Variants in SEMA6D observed in about 807,000 individuals in gnomAD.
SEMA6D encodes semaphorin 6D.
Under a neutral mutation model 106.6 loss-of-function variants are expected in SEMA6D, and 35 were observed. That is an observed-to-expected ratio of 0.33 (90% CI 0.25 to 0.44). SEMA6D has a LOEUF of 0.44. SEMA6D is among the 20% of genes least tolerant of loss of function. The pLI is 1.00. For missense variants in SEMA6D, 1,185 were observed against 1,345.9 expected, an observed-to-expected ratio of 0.88 and a Z score of 1.87; for synonymous variants, 499 against 487.7, an observed-to-expected ratio of 1.02 and a Z score of -0.31.
intron 4 of SEMA6D, among the ~76,000 whole-genome samples, chr15:47,624,241 C>T (rs1280155449): frequency 6.6e-6 from 1 of 152,188 alleles, no homozygotes; most frequent in Admixed American, 6.5e-5. Flanking sequence ...CTTCCTTATC[C>T]CCCAAGGCTG....
chr15:47,463,008 CAA>C (rs1367566883), intron 2 of SEMA6D, among the ~76,000 whole-genome samples: 1 of 152,044 alleles, frequency 6.6e-6, no homozygotes, highest in Non-Finnish European at 1.5e-5. Context: ...AAGACCAATT[CAA>C]TGATGAACTT....
intron 4 of SEMA6D, among the ~76,000 whole-genome samples, chr15:47,609,820 AC>A (rs2143808365): frequency 6.6e-6 from 1 of 152,180 alleles, no homozygotes; most frequent in South Asian, 2.1e-4. Context: ...TTTTCTCAGC[AC>A]CTGCATTTAC....
chr15:47,691,074 A>G (rs1596647505), intron 4 of SEMA6D, among the ~76,000 whole-genome samples: 2 of 152,184 alleles, frequency 1.3e-5, no homozygotes, highest in East Asian at 3.9e-4. Context: ...AAAGGATACC[A>G]AAGAAGCAAT....
intron 3 of SEMA6D, among the ~76,000 whole-genome samples, chr15:47,488,386 T>C (rs1174331620): frequency 2.6e-5 from 4 of 152,142 alleles, no homozygotes; most frequent in Admixed American, 2.6e-4. Context: ...TGTAGAGTTA[T>C]GCTATACATG....
At chr15:47,712,673 T>G (rs1246200016), upstream of SEMA6D, among the ~76,000 whole-genome samples, 8 of 152,228 alleles carry the variant, frequency 5.3e-5, no homozygotes, top group African/African-American at 1.9e-4. Flanking sequence ...AACTTTTAAT[T>G]TCTACCACTT....
At position 47,558,611 on chromosome 15, in the gene SEMA6D, CATG is replaced by C. The variant is rs532251163; in HGVS notation, c.-86-42251_-86-42249del. 2.6e-5 allele frequency among the ~76,000 whole-genome samples: 4 copies of C among 152,036 alleles called. No individual in the cohort carries two copies. The East Asian group carries it at 7.8e-4, about 30-fold the overall frequency. Reference sequence around the variant, plus strand: ...TGCTAACTGTCCTAAAAGTATAGGGCATGATTATCAGTCAGGGAATCATTTACT... The same window carrying C: ...TGCTAACTGTCCTAAAAGTATAGGGCATTATCAGTCAGGGAATCATTTACT... On this transcript the variant is annotated intron_variant, in intron 3 of 19. Transcript: ENST00000558014.
rs1327079621 is a variant in SEMA6D, at chr15:47,214,315, TGGAAGG to T, written c.-239+29900_-239+29905del. On this transcript the variant is annotated intron_variant, in intron 1 of 19. Transcript: ENST00000558014. ...CAGAGAGAAGGGAAAGGTGATGCAG[TGGAAGG>T]GGTATTAGCGGGGATTAGGACAAAG... Among the ~76,000 whole-genome samples, 4 of 151,912 alleles carry T rather than the reference TGGAAGG, an allele frequency of 2.6e-5. No homozygotes were observed. In the East Asian group the frequency reaches 7.7e-4, roughly 29 times the overall value.
chr15:47,543,853 C>G (rs1452587484), intron 3 of SEMA6D, among the ~76,000 whole-genome samples: 1 of 151,844 alleles, frequency 6.6e-6, no homozygotes, highest in Non-Finnish European at 1.5e-5. Flanking sequence ...GAAAAAAAAC[C>G]CTTTATTCTA....
At chr15:47,325,463 C>T (rs1334927154) in intron 1 of SEMA6D, among the ~76,000 whole-genome samples, 2 of 151,054 alleles carry the variant, frequency 1.3e-5, no homozygotes, top group South Asian at 2.1e-4. Flanking sequence ...TGAGCCACCG[C>T]GCCCGGCAGG....
At chr15:47,592,310 G>T (rs1307198727) in intron 3 of SEMA6D, among the ~76,000 whole-genome samples, 1 of 152,180 alleles carries the variant, frequency 6.6e-6, no homozygotes, top group Admixed American at 6.5e-5. Context: ...TTGTGAACCA[G>T]TCCTTCCATG....
intron 1 of SEMA6D, among the ~76,000 whole-genome samples, chr15:47,273,059 G>A (rs1434862060): frequency 2.0e-5 from 3 of 152,108 alleles, no homozygotes; most frequent in South Asian, 2.1e-4. Context: ...CGCCTGTAAG[G>A]TTGGGAACCC....
chr15:47,386,078 C>T (rs2039829334), intron 1 of SEMA6D, among the ~76,000 whole-genome samples: 2 of 152,068 alleles, frequency 1.3e-5, no homozygotes, highest in Admixed American at 1.3e-4. Flanking sequence ...TATGTAAAAC[C>T]ATAGGACAAT....
chr15:47,487,755 C>CT (rs1426045107), intron 3 of SEMA6D, among the ~76,000 whole-genome samples: 9 of 152,216 alleles, frequency 5.9e-5, no homozygotes, highest in African/African-American at 2.2e-4. Context: ...ACTGACCATC[C>CT]TTACAGATGC....
At chr15:47,581,069 T>G (rs1218293135) in intron 3 of SEMA6D, among the ~76,000 whole-genome samples, 1 of 152,206 alleles carries the variant, frequency 6.6e-6, no homozygotes, top group Admixed American at 6.5e-5. Flanking sequence ...TTCTATCGCA[T>G]TACAATCACT....
At chr15:47,314,584 C>T (rs1259937878) in intron 1 of SEMA6D, among the ~76,000 whole-genome samples, 2 of 47,166 alleles carry the variant, frequency 4.2e-5, no homozygotes, top group Non-Finnish European at 6.1e-5. Context: ...GGCGACAGAG[C>T]GAGACTCCAT....
intron 1 of SEMA6D, among the ~76,000 whole-genome samples, chr15:47,210,723 C>T (rs565303888): frequency 7.3e-4 from 107 of 147,558 alleles, no homozygotes; most frequent in African/African-American, 2.6e-3. Context: ...CGAGATAGCA[C>T]CACTGCAGTC....
intron 1 of SEMA6D, among the ~76,000 whole-genome samples, chr15:47,213,295 A>G (rs1223796114): frequency 2.6e-5 from 4 of 152,202 alleles, no homozygotes; most frequent in Non-Finnish European, 5.9e-5. Flanking sequence ...ATAGGTTACA[A>G]ATGAGGTTTA....
At chr15:47,532,215 T>G (rs973768635) in intron 3 of SEMA6D, among the ~76,000 whole-genome samples, 11 of 152,198 alleles carry the variant, frequency 7.2e-5, no homozygotes, top group Admixed American at 2.0e-4. Flanking sequence ...CTGATGTCTT[T>G]TTCAGGGATA....
At chr15:47,465,860 T>C (rs1054180849) in intron 2 of SEMA6D, among the ~76,000 whole-genome samples, 2 of 151,592 alleles carry the variant, frequency 1.3e-5, no homozygotes, top group Non-Finnish European at 2.9e-5. Flanking sequence ...GAAAATGGAC[T>C]AATTCACCAG....
Sources: allele counts gnomAD v4.1 joint callset (sites outside exome capture counted in the v4.1 genomes callset), GRCh38; gene constraint gnomAD v4.1.1; transcripts MANE v1.5; gene names NCBI Gene and HGNC (gene_info 2026-07-23, HGNC 2026-07-21).